The following SCIN variants were observed in gnomAD, a reference collection of about 807,000 sequenced individuals.
SCIN encodes the protein adseverin.
A neutral mutation model predicts 91.8 loss-of-function variants in SCIN; 91 were observed. The ratio of observed to expected loss-of-function variants is 0.99; its 90% CI spans 0.84 to 1.18. SCIN has a LOEUF of 1.18. Among genes scored for constraint, SCIN ranks in the 50% most tolerant of loss-of-function variants. The probability of loss-of-function intolerance (pLI) is 0.00; values close to 1 mark genes in which losing one functional copy is unlikely to be tolerated. For synonymous variants in SCIN, 367 were observed against 312.6 expected, an observed-to-expected ratio of 1.17 and a Z score of -1.84; for missense variants, 1,087 against 863.9, an observed-to-expected ratio of 1.26 and a Z score of -3.24.
Position 12,649,263 on chromosome 7 carries a change from G to GT in SCIN, c.1882-202dup, listed in dbSNP as rs771250161. Among the ~76,000 whole-genome samples, 23 of 152,084 alleles carry GT rather than the reference G, an allele frequency of 1.5e-4. No homozygotes were observed. The East Asian group carries it at 3.9e-3, about 26-fold the overall frequency. On this transcript the variant is annotated intron_variant, in intron 13 of 15. Transcript: ENST00000297029. ...AAATGCAATGTTTATATTAAATACT[G>GT]TTCTGGCCAAATAAAATACTACTAG...
In SCIN at chr7:12,601,739, T is replaced by C. The variant is rs571575569; in HGVS notation, c.517-2775T>C. 1.1e-4 allele frequency among the ~76,000 whole-genome samples: 16 copies of C among 152,374 alleles called. No individual in the cohort carries two copies. The South Asian group carries it at 3.1e-3, about 30-fold the overall frequency. Reference sequence around the variant, plus strand: ...GCATGCCCTCTGAATCTCTTAAAACTGTTTATCATTTTTTTGTGCAAACAC... The same window carrying C: ...GCATGCCCTCTGAATCTCTTAAAACCGTTTATCATTTTTTTGTGCAAACAC... On this transcript the variant is annotated intron_variant, in intron 3 of 15. Transcript: ENST00000297029.
At chr7:12,607,663 T>G (rs558555385) in intron 4 of SCIN, among the ~76,000 whole-genome samples, 1 of 152,322 alleles carries the variant, frequency 6.6e-6, no homozygotes, top group Admixed American at 6.5e-5. Context: ...CTACATTTTA[T>G]TTGACTGCTT....
Position 12,644,249 on chromosome 7 carries a change from G to A in SCIN, c.1693G>A (p.Gly565Arg). The A allele has an allele frequency of 6.2e-7, 1 of 1,606,522 alleles. No homozygotes were observed. Among genetic ancestry groups the A allele is most frequent in the South Asian group, 1.1e-5 (1 of 89,556 alleles). ...AGGTGCTAGCCAGGAGGAGGAGAAA[G>A]GAGCAGAGTATGTAGCAAGTGTCCT... ...GKGASQEEEKGAEYVASVLKC... is the reference protein window; with the variant it reads ...GKGASQEEEKRAEYVASVLKC... The change falls in exon 12 of 16, where the codon GGA becomes AGA. Residue 565 changes from glycine (G) to arginine (R), a missense_variant. Coordinates refer to ENST00000297029, the MANE Select transcript of SCIN (RefSeq NM_001112706.3).
chr7:12,605,115 G>C (rs537496567), intron 4 of SCIN, among the ~76,000 whole-genome samples: 1 of 151,920 alleles, frequency 6.6e-6, no homozygotes, highest in African/African-American at 2.4e-5. Flanking sequence ...GCAGTGGCAC[G>C]ATCTCCACTC....
At chr7:12,587,635 G>A (rs748648163) in intron 3 of SCIN, among the ~76,000 whole-genome samples, 4 of 152,122 alleles carry the variant, frequency 2.6e-5, no homozygotes, top group Non-Finnish European at 4.4e-5. Flanking sequence ...TGTGGGACAC[G>A]GTATCCTCAT....
intron 7 of SCIN, 56 bp downstream of exon 7, chr7:12,625,906 A>G: frequency 5.5e-6 from 7 of 1,272,788 alleles, no homozygotes; most frequent in Non-Finnish European, 7.8e-6. Context: ...AGCTCATGAC[A>G]TCTCCACGAA....
chr7:12,652,671 A>T lies in SCIN; in HGVS notation c.2104A>T (p.Thr702Ser). ...VIIKQGHEPP[T>S]FTGWFLGWDS... Reference sequence around the variant, plus strand: ...CATAAAACAGGGCCATGAGCCACCCACATTCACAGGCTGGTTCCTGGGCTG... The same window carrying T: ...CATAAAACAGGGCCATGAGCCACCCTCATTCACAGGCTGGTTCCTGGGCTG... The change falls in exon 16 of 16, where the codon ACA becomes TCA. Residue 702 changes from threonine to serine, a missense_variant. By Grantham distance (58) the Thr-to-Ser change is moderately conservative. Coordinates refer to ENST00000297029, the MANE Select transcript of SCIN (RefSeq NM_001112706.3). 2 of 1,607,722 alleles carry T rather than the reference A, an allele frequency of 1.2e-6. No individual in the cohort carries two copies. Among genetic ancestry groups the T allele is most frequent in the Non-Finnish European group, 1.7e-6 (2 of 1,178,104 alleles).
At chr7:12,634,839 T>C (rs1439976213) in intron 9 of SCIN, among the ~76,000 whole-genome samples, 1 of 152,186 alleles carries the variant, frequency 6.6e-6, no homozygotes, top group Non-Finnish European at 1.5e-5. Context: ...GACATGTTGA[T>C]TGACCCTTAT....
chr7:12,657,550 A>G lies in SCIN; in HGVS notation c.*4835A>G, dbSNP rs1562642287. On this transcript the variant is annotated 3_prime_UTR_variant, in exon 16 of 16. Transcript: ENST00000297029. ...TATATATGTGTGTGTATATATATAT[A>G]TATATATATATATATATATATATTT... 8 of 16,498 alleles carry G rather than the reference A, an allele frequency of 4.8e-4. No homozygotes were observed. Among genetic ancestry groups the G allele is most frequent in the Admixed American group, 2.6e-3 (3 of 1,138 alleles). The allele number at this position is 16,498 out of a possible 1,614,324, so 1.0% of individuals were successfully genotyped here.
intron 3 of SCIN, among the ~76,000 whole-genome samples, chr7:12,597,822 A>G (rs1176960680): frequency 6.6e-6 from 1 of 152,204 alleles, no homozygotes; most frequent in Non-Finnish European, 1.5e-5. Context: ...TTTCTTTAAT[A>G]GTTTGTATAT....
rs1266250367 is a variant in SCIN at position 12,657,514 on chromosome 7, T to A, written c.*4799T>A. On this transcript the variant is annotated 3_prime_UTR_variant, in exon 16 of 16. Coordinates refer to ENST00000297029, the MANE Select transcript of SCIN (RefSeq NM_001112706.3). ...ATGAGCCACCGCATCTGGACACGAA[T>A]TTTTAAGTTTTATATATGTGTGTGT... The A allele has an allele frequency of 1.5e-5, 2 of 135,322 alleles. No individual in the cohort carries two copies. The highest frequency in any genetic ancestry group is 5.2e-5 in the African/African-American group (2 of 38,252). The allele number at this position is 135,322 out of a possible 1,614,324, so 8.4% of individuals were successfully genotyped here. A position where few individuals can be genotyped will look rare whatever the true frequency, so the allele number is the denominator to read the frequency against.
intron 13 of SCIN, among the ~76,000 whole-genome samples, chr7:12,649,170 G>T (rs546007096): frequency 6.6e-6 from 1 of 152,046 alleles, no homozygotes; most frequent in Non-Finnish European, 1.5e-5. Context: ...CCACACAGCC[G>T]CATTCCTCTC....
rs57131728 is a variant in SCIN, at chr7:12,657,211, A to ATTTTTTTTTT, written c.*4512_*4521dup. ...TGTGTGTACTAAAGGATATAATATG[A>ATTTTTTTTTT]TTTTTTTTTTTTTTTTTTTTTTTTT... On this transcript the variant is annotated 3_prime_UTR_variant, in exon 16 of 16. Coordinates refer to ENST00000297029, the MANE Select transcript of SCIN (RefSeq NM_001112706.3). The ATTTTTTTTTT allele has an allele frequency of 3.6e-5, 3 of 82,558 alleles. No individual in the cohort carries two copies. Among genetic ancestry groups the ATTTTTTTTTT allele is most frequent in the Admixed American group, 1.7e-4 (1 of 6,042 alleles). The allele number at this position is 82,558 out of a possible 1,614,324, so 5.1% of individuals were successfully genotyped here.
In SCIN at chr7:12,644,344, C is replaced by T. The variant is rs763088284; in HGVS notation, c.1759+29C>T. On this transcript the variant is annotated intron_variant, in intron 12 of 15. Coordinates refer to ENST00000297029, the MANE Select transcript of SCIN (RefSeq NM_001112706.3). The stretch of plus-strand genomic sequence containing the variant: ...TGTGCTCTGGGGCCAAGGGCACTAA[C>T]TAGAATTTATACTGATACGATTGCT... 21 of 1,556,774 alleles carry T rather than the reference C, an allele frequency of 1.3e-5. No homozygotes were observed. The East Asian group carries it at 2.9e-4, about 21-fold the overall frequency.
chr7:12,635,215 A>G (rs1303136473), intron 9 of SCIN, among the ~76,000 whole-genome samples: 1 of 151,938 alleles, frequency 6.6e-6, no homozygotes, highest in Non-Finnish European at 1.5e-5. Flanking sequence ...GGAATTGCTA[A>G]GATGACAAAA....
Position 12,604,582 on chromosome 7 carries a change from T to C in SCIN, c.585T>C (p.Thr195=). 6.4e-7 allele frequency: 1 copy of C among 1,551,582 alleles called. No individual in the cohort carries two copies. Among genetic ancestry groups the C allele is most frequent in the Non-Finnish European group, 8.7e-7 (1 of 1,146,654 alleles). ...YERLKANQVA[T]GIRYNERKGR... Reference sequence around the variant, plus strand: ...GTCTGAAGGCAAACCAGGTAGCTACTGGCATTCGGTACAATGAAAGGAAAG... The same window carrying C: ...GTCTGAAGGCAAACCAGGTAGCTACCGGCATTCGGTACAATGAAAGGAAAG... The change falls in exon 4 of 16, where the codon ACT becomes ACC. Residue 195 remains threonine, a synonymous_variant. Transcript: ENST00000297029.
chr7:12,622,174 T>C (rs2115270269), intron 4 of SCIN, among the ~76,000 whole-genome samples: 1 of 152,180 alleles, frequency 6.6e-6, no homozygotes, highest in Admixed American at 6.6e-5. Context: ...AAACACTTTT[T>C]TGGACTTTTG....
chr7:12,624,596 C>CTACTTGAAAAGATTACTCTAAAATG lies in SCIN; in HGVS notation c.760-410_760-386dup, dbSNP rs1248237596. Among the ~76,000 whole-genome samples the CTACTTGAAAAGATTACTCTAAAATG allele has an allele frequency of 3.9e-5, 6 of 151,942 alleles. No individual in the cohort carries two copies. The East Asian group carries it at 1.2e-3, about 29-fold the overall frequency. ...TATGTAATGATTTTAAGATTATTAC[C>CTACTTGAAAAGATTACTCTAAAATG]TACTTGAAAAGATTACTCTAAAATG... On this transcript the variant is annotated intron_variant, in intron 5 of 15. Transcript: ENST00000297029.
intron 4 of SCIN, among the ~76,000 whole-genome samples, chr7:12,605,218 A>AT (rs762051047): frequency 1.2e-4 from 18 of 151,922 alleles, no homozygotes; most frequent in Non-Finnish European, 2.4e-4. Context: ...TACCTGGCTA[A>AT]TTTTTTGTAT....
Sources: allele counts gnomAD v4.1 joint callset (sites outside exome capture counted in the v4.1 genomes callset), GRCh38; gene constraint gnomAD v4.1.1; transcripts MANE v1.5; gene names NCBI Gene and HGNC (gene_info 2026-07-23, HGNC 2026-07-21).